The following ADGRF5 variants were observed in gnomAD, a reference collection of about 807,000 sequenced individuals.
ADGRF5 encodes adhesion G protein-coupled receptor F5, also known as G-protein coupled receptor 116.
Under a neutral mutation model 132.3 loss-of-function variants are expected in ADGRF5, and 75 were observed. The observed-to-expected ratio is 0.57, with a 90% CI of 0.47 to 0.69. The LOEUF (loss-of-function observed/expected upper bound fraction) is 0.69. Ranked by LOEUF, ADGRF5 falls within the 30% of genes least tolerant of loss-of-function variation. ADGRF5 has a pLI of 0.00. For missense variants in ADGRF5, 1,516 were observed against 1,630.6 expected (o/e 0.93, Z 1.21); for synonymous variants, 629 against 597.6 (o/e 1.05, Z -0.77).
chr6:46,866,256 C>A (rs1770419749), intron 13 of ADGRF5, among the ~76,000 whole-genome samples: 1 of 152,016 alleles, frequency 6.6e-6, no homozygotes, highest in African/African-American at 2.4e-5. Context: ...TTTTGTCCAC[C>A]CAGAGATGAG....
intron 1 of ADGRF5, among the ~76,000 whole-genome samples, chr6:46,947,449 C>T (rs891426842): frequency 1.3e-5 from 2 of 152,242 alleles, no homozygotes; most frequent in Admixed American, 1.3e-4. Flanking sequence ...CTCATGCACA[C>T]AAATGCACAC....
intron 1 of ADGRF5, among the ~76,000 whole-genome samples, chr6:46,933,254 T>C (rs1777652039): frequency 6.6e-6 from 1 of 152,232 alleles, no homozygotes. Flanking sequence ...TTATGTTACC[T>C]GTAGTGAATC....
chr6:46,947,973 A>G (rs562132129), intron 1 of ADGRF5, among the ~76,000 whole-genome samples: 11 of 152,094 alleles, frequency 7.2e-5, no homozygotes, highest in African/African-American at 2.7e-4. Flanking sequence ...CAGATCACAG[A>G]CTCAACACCG....
rs778647196 is a variant in ADGRF5 at position 46,878,264 on chromosome 6, C to T, written c.1178G>A (p.Ser393Asn). Residue 393 changes from serine to asparagine, a missense_variant, in exon 10 of 21, where the codon AGT becomes AAT. By Grantham distance (46) the Ser-to-Asn change is conservative. Transcript: ENST00000283296. The part of the protein sequence containing the change: ...DNNPVSLNCC[S>N]QGNVNWSKVE... ...TTTGCTCCAATTAACATTACCCTGACTGCAGCAGTTCAAAGATACAGGATT... is the reference window on the plus strand; with the variant it reads ...TTTGCTCCAATTAACATTACCCTGATTGCAGCAGTTCAAAGATACAGGATT... 6.2e-7 allele frequency: 1 copy of T among 1,613,934 alleles called. No individual in the cohort carries two copies. Among genetic ancestry groups the T allele is most frequent in the East Asian group, 2.2e-5 (1 of 44,876 alleles).
chr6:46,868,540 G>T (rs916261000), intron 12 of ADGRF5, among the ~76,000 whole-genome samples: 1 of 152,128 alleles, frequency 6.6e-6, no homozygotes, highest in African/African-American at 2.4e-5. Context: ...TTACCTAGCT[G>T]TTCTAAAGCA....
chr6:46,883,702 T>TCAGCTACTCGGGAGGCTGAGGCAGGAG, intron 5 of ADGRF5, 37 bp from the exon 6 acceptor site: 1 of 1,098,898 alleles, frequency 9.1e-7, no homozygotes, highest in Non-Finnish European at 1.4e-6. Context: ...AAAAATATGT[T>TCAGCTACTCGGGAGGCTGAGGCAGGAG]AATGTCTGAG....
At chr6:46,864,533 T>A (rs1306708158) in intron 14 of ADGRF5, among the ~76,000 whole-genome samples, 4 of 151,736 alleles carry the variant, frequency 2.6e-5, no homozygotes, top group Non-Finnish European at 4.4e-5. Flanking sequence ...ATAATTTTTT[T>A]TTTTTTTTTT....
intron 2 of ADGRF5, among the ~76,000 whole-genome samples, chr6:46,902,267 G>T (rs1774855264): frequency 6.6e-6 from 1 of 152,134 alleles, no homozygotes; most frequent in Admixed American, 6.5e-5. Context: ...GGGGAGGAGG[G>T]AGTGGCCACT....
At chr6:46,883,428 C>T (rs963086239) in intron 6 of ADGRF5, 131 bp downstream of exon 6, 2 of 633,972 alleles carry the variant, frequency 3.2e-6, no homozygotes, top group African/African-American at 1.9e-5. Context: ...TTCACCATCT[C>T]AGATGTAAAA....
At chr6:46,909,675 T>G (rs2150904060) in intron 1 of ADGRF5, among the ~76,000 whole-genome samples, 1 of 152,206 alleles carries the variant, frequency 6.6e-6, no homozygotes, top group East Asian at 1.9e-4. Flanking sequence ...CTTACAACCC[T>G]TAGAAACAAC....
chr6:46,865,445 T>C (rs570150900), intron 13 of ADGRF5, among the ~76,000 whole-genome samples: 1 of 152,230 alleles, frequency 6.6e-6, no homozygotes, highest in Admixed American at 6.5e-5. Context: ...GAATGCCTTT[T>C]CAGCATTCCA....
chr6:46,867,271 T>G, intron 12 of ADGRF5, 134 bp from the exon 13 acceptor site: 2 of 602,160 alleles, frequency 3.3e-6, no homozygotes, highest in South Asian at 4.1e-5. Flanking sequence ...TCCTGGACAC[T>G]GGAGGAAAAA....
intron 1 of ADGRF5, among the ~76,000 whole-genome samples, chr6:46,921,508 C>A (rs926579061): frequency 2.0e-5 from 3 of 152,166 alleles, no homozygotes; most frequent in Non-Finnish European, 4.4e-5. Context: ...AATATAGTCT[C>A]ATTAACTGGA....
intron 3 of ADGRF5, among the ~76,000 whole-genome samples, chr6:46,896,038 G>A (rs189614152): frequency 1.0e-3 from 154 of 152,198 alleles, no homozygotes; most frequent in South Asian, 2.3e-3. Context: ...TGTCTTTGGC[G>A]AGCATTTCCT....
chr6:46,954,818 C>T (rs1381206032), exon 1 of ADGRF5: 2 of 152,214 alleles, frequency 1.3e-5, no homozygotes, highest in African/African-American at 4.8e-5. Context: ...AGGTGAACCT[C>T]GAGGGCATCC....
intron 1 of ADGRF5, among the ~76,000 whole-genome samples, chr6:46,908,356 C>A (rs947944167): frequency 1.3e-5 from 2 of 152,076 alleles, no homozygotes; most frequent in African/African-American, 4.8e-5. Flanking sequence ...CAGGCTAATA[C>A]AGAATGAGTC....
At chr6:46,954,273 C>G (rs917506312) in intron 1 of ADGRF5, among the ~76,000 whole-genome samples, 3 of 152,038 alleles carry the variant, frequency 2.0e-5, no homozygotes, top group Middle Eastern at 3.4e-3. Context: ...CACATAGGCA[C>G]TCTAAATTAG....
intron 14 of ADGRF5, among the ~76,000 whole-genome samples, chr6:46,863,457 T>C (rs971004092): frequency 2.6e-5 from 4 of 152,234 alleles, no homozygotes; most frequent in Non-Finnish European, 5.9e-5. Context: ...AGCAGGTTTT[T>C]AAGCCTCCCT....
rs138289611 is a variant in ADGRF5, at chr6:46,901,727, G to A, written c.103-1644C>T. Among the ~76,000 whole-genome samples, 962 of 151,832 alleles carry A rather than the reference G, an allele frequency of 6.3e-3. 7 individuals carry two copies. Among genetic ancestry groups the A allele is most frequent in the African/African-American group, 0.02 (847 of 41,402 alleles). On this transcript the variant is annotated intron_variant, in intron 2 of 20. Coordinates refer to ENST00000283296, the MANE Select transcript of ADGRF5 (RefSeq NM_001098518.2). ...CATCATCTTATCAGCAGAGTCCTGG[G>A]AAACTGGCTTTGTCTCAGGGAGCGG...
Sources: gnomAD v4.1 joint callset for allele counts (sites outside exome capture counted in the v4.1 genomes callset) on GRCh38, gnomAD v4.1.1 for gene constraint, MANE v1.5 for transcripts, NCBI Gene and HGNC (gene_info 2026-07-23, HGNC 2026-07-21) for gene names.